The following AGMO variants were observed in gnomAD, a reference collection of about 807,000 sequenced individuals.
The protein encoded by AGMO is glyceryl-ether monooxygenase.
Under a neutral mutation model 60.2 loss-of-function variants are expected in AGMO, and 75 were observed. The observed-to-expected ratio is 1.25, with a 90% CI of 1.03 to 1.51. The LOEUF is 1.51. AGMO is among the 40% of genes most tolerant of loss of function. The pLI is 0.00. For missense variants in AGMO, 763 were observed against 525.5 expected (o/e 1.45, Z -4.42); for synonymous variants, 261 against 177.1 (o/e 1.47, Z -3.76).
intron 10 of AGMO, among the ~76,000 whole-genome samples, chr7:15,384,474 C>T (rs7808996): frequency 0.71 from 108,645 of 152,010 alleles, 39,502 homozygotes; most frequent in African/African-American, 0.8. Context: ...TTAATAATTA[C>T]ATTTTTGTAT....
At chr7:15,461,918 A>C (rs1028615185) in intron 3 of AGMO, among the ~76,000 whole-genome samples, 14 of 152,176 alleles carry the variant, frequency 9.2e-5, no homozygotes, top group African/African-American at 2.9e-4. Context: ...ACAAACATTA[A>C]AATAAATGAA....
chr7:15,148,962 A>T, the AGMO span, among the ~76,000 whole-genome samples: 1 of 152,082 alleles, frequency 6.6e-6, no homozygotes, highest in Admixed American at 6.6e-5. Context: ...TTTCTCCACA[A>T]TCTCAGCTCG....
intron 8 of AGMO, among the ~76,000 whole-genome samples, chr7:15,388,353 G>A (rs564048507): frequency 6.6e-6 from 1 of 151,998 alleles, no homozygotes; most frequent in Non-Finnish European, 1.5e-5. Flanking sequence ...TGCAACCTCA[G>A]GCATATGGGT....
At chr7:15,176,059 T>G in the AGMO span, among the ~76,000 whole-genome samples, 2 of 152,008 alleles carry the variant, frequency 1.3e-5, no homozygotes, top group African/African-American at 4.8e-5. Context: ...TAACGACATT[T>G]ATGTCATGTC....
At chr7:15,244,367 TAA>T (rs1190598543) in intron 12 of AGMO, among the ~76,000 whole-genome samples, 6 of 152,228 alleles carry the variant, frequency 3.9e-5, no homozygotes, top group Admixed American at 1.3e-4. Context: ...AAAGTTCCTC[TAA>T]AAAAGAGGCT....
At chr7:15,542,002 T>C (rs17168811) in intron 3 of AGMO, among the ~76,000 whole-genome samples, 5,074 of 152,232 alleles carry the variant, frequency 0.033, 260 homozygotes, top group African/African-American at 0.11. Flanking sequence ...ATTATTGAAA[T>C]TTTTCAGTTA....
At chr7:15,373,844 C>G (rs1042817742) in intron 10 of AGMO, among the ~76,000 whole-genome samples, 1 of 151,988 alleles carries the variant, frequency 6.6e-6, no homozygotes, top group South Asian at 2.1e-4. Context: ...CTAAAAGGTG[C>G]CTGACAAGGT....
downstream of AGMO, among the ~76,000 whole-genome samples, chr7:15,198,691 C>A (rs942548199): frequency 6.6e-6 from 1 of 151,978 alleles, no homozygotes; most frequent in African/African-American, 2.4e-5. Context: ...GCTCACTGAT[C>A]AGGTCAGAGA....
At chr7:15,119,216 C>G in the AGMO span, among the ~76,000 whole-genome samples, 2 of 151,840 alleles carry the variant, frequency 1.3e-5, no homozygotes, top group Admixed American at 6.6e-5. Context: ...GTGATTAGAT[C>G]TCCTGCTCTG....
At chr7:15,512,533 G>A (rs1023863855) in intron 3 of AGMO, among the ~76,000 whole-genome samples, 2 of 152,124 alleles carry the variant, frequency 1.3e-5, no homozygotes, top group South Asian at 4.1e-4. Context: ...GATTACAGGC[G>A]TGAACCACTA....
chr7:15,375,085 T>G (rs1783392837), intron 10 of AGMO, among the ~76,000 whole-genome samples: 1 of 152,058 alleles, frequency 6.6e-6, no homozygotes, highest in African/African-American at 2.4e-5. Flanking sequence ...GGGTAGTAAT[T>G]GGTCCAAGAC....
intron 12 of AGMO, among the ~76,000 whole-genome samples, chr7:15,337,584 T>A (rs754159257): frequency 5.3e-5 from 8 of 152,086 alleles, no homozygotes; most frequent in African/African-American, 9.7e-5. Flanking sequence ...ACAACACATA[T>A]GTAGAGAAGA....
At chr7:15,489,486 G>C (rs1436569949) in intron 3 of AGMO, among the ~76,000 whole-genome samples, 4 of 152,082 alleles carry the variant, frequency 2.6e-5, no homozygotes, top group Middle Eastern at 3.2e-3. Flanking sequence ...TGATGCTTTT[G>C]TCCTCCCTCC....
At chr7:15,320,544 C>G (rs959966830) in intron 12 of AGMO, among the ~76,000 whole-genome samples, 1 of 152,010 alleles carries the variant, frequency 6.6e-6, no homozygotes, top group Non-Finnish European at 1.5e-5. Context: ...TTAAAAGATT[C>G]ACATGGCATC....
the AGMO span, among the ~76,000 whole-genome samples, chr7:15,160,927 A>G: frequency 6.6e-6 from 1 of 152,170 alleles, no homozygotes; most frequent in Non-Finnish European, 1.5e-5. Flanking sequence ...ATCAAAAAGC[A>G]AGCAACTGAC....
the AGMO span, among the ~76,000 whole-genome samples, chr7:15,134,768 A>T: frequency 1.3e-5 from 2 of 151,800 alleles, no homozygotes; most frequent in South Asian, 4.2e-4. Flanking sequence ...GTTTTTGAGG[A>T]AGGAAGGGGA....
intron 12 of AGMO, among the ~76,000 whole-genome samples, chr7:15,261,088 A>G (rs1783256428): frequency 6.6e-6 from 1 of 152,108 alleles, no homozygotes; most frequent in East Asian, 1.9e-4. Context: ...TAGACAATCT[A>G]AAGTCACACC....
chr7:15,299,504 G>C (rs933198246), intron 12 of AGMO, among the ~76,000 whole-genome samples: 4 of 151,972 alleles, frequency 2.6e-5, no homozygotes, highest in African/African-American at 9.7e-5. Context: ...TTCACTAAGG[G>C]CTAATGCTGT....
chr7:15,386,293 G>A (rs556265405), intron 9 of AGMO, among the ~76,000 whole-genome samples: 29 of 152,272 alleles, frequency 1.9e-4, no homozygotes, highest in African/African-American at 6.5e-4. Context: ...GGAAACTTTG[G>A]AGAAGTTTTT....
Sources: allele counts gnomAD v4.1 joint callset (sites outside exome capture counted in the v4.1 genomes callset), GRCh38; gene constraint gnomAD v4.1.1; transcripts MANE v1.5; gene names NCBI Gene and HGNC (gene_info 2026-07-23, HGNC 2026-07-21).